The following CIMIP2A variants were observed in gnomAD, a reference collection of about 807,000 sequenced individuals.
The protein encoded by CIMIP2A is family with sequence similarity 166 member A.
the CIMIP2A span, chr9:137,243,804 C>G: frequency 1.2e-6 from 2 of 1,613,606 alleles, no homozygotes; most frequent in Non-Finnish European, 1.7e-6. Context: ...GGGAGCCAGG[C>G]TGCAGCTGAG....
chr9:137,246,589 C>T, the CIMIP2A span, among the ~76,000 whole-genome samples: 1 of 152,044 alleles, frequency 6.6e-6, no homozygotes, highest in Non-Finnish European at 1.5e-5. Context: ...TGGTGAAACC[C>T]TGTCTCTATT....
chr9:137,244,419 A>C, the CIMIP2A span: 1 of 1,549,906 alleles, frequency 6.5e-7, no homozygotes, highest in East Asian at 2.3e-5. Flanking sequence ...AGCCTTCTGC[A>C]TCCCCCTACC....
the CIMIP2A span, chr9:137,251,453 A>G: frequency 7.5e-7 from 1 of 1,326,552 alleles, no homozygotes; most frequent in Non-Finnish European, 1.1e-6. Context: ...CAGGGGGCTG[A>G]GGGACAGTGT....
the CIMIP2A span, chr9:137,244,044 A>G: frequency 9.3e-7 from 1 of 1,075,350 alleles, no homozygotes; most frequent in Non-Finnish European, 1.4e-6. Flanking sequence ...TCCTACCCCA[A>G]CCAAGGTGGG....
chr9:137,244,422 C>T, the CIMIP2A span: 3 of 1,537,134 alleles, frequency 2.0e-6, no homozygotes, highest in South Asian at 1.3e-5. Context: ...CTTCTGCATC[C>T]CCCTACCCCC....
chr9:137,254,357 T>A, the CIMIP2A span, among the ~76,000 whole-genome samples: 9 of 151,956 alleles, frequency 5.9e-5, 1 homozygote, highest in African/African-American at 2.2e-4. Context: ...GCAAGAGAGC[T>A]GTGGTAGCCA....
At chr9:137,245,261 T>C in the CIMIP2A span, 5 of 1,575,536 alleles carry the variant, frequency 3.2e-6, no homozygotes, top group Non-Finnish European at 4.3e-6. Context: ...AGCTCCCACC[T>C]GGGGCTGAGC....
the CIMIP2A span, chr9:137,245,809 G>A: frequency 4.0e-6 from 6 of 1,518,118 alleles, no homozygotes; most frequent in East Asian, 1.1e-4. Context: ...ACGCCCATAG[G>A]TGTTCCCCAC....
the CIMIP2A span, among the ~76,000 whole-genome samples, chr9:137,251,562 G>A: frequency 2.0e-5 from 3 of 151,342 alleles, no homozygotes; most frequent in Non-Finnish European, 3.0e-5. Context: ...CTGAGGGACA[G>A]TAGAGGGGAC....
chr9:137,249,396 C>A, the CIMIP2A span, among the ~76,000 whole-genome samples: 6 of 152,226 alleles, frequency 3.9e-5, no homozygotes, highest in African/African-American at 1.4e-4. Flanking sequence ...AAGAAGCTGT[C>A]TGGCATTCTG....
At chr9:137,244,238 T>C in the CIMIP2A span, 3 of 1,613,890 alleles carry the variant, frequency 1.9e-6, no homozygotes, top group African/African-American at 4.0e-5. Flanking sequence ...TGGGCCAGTG[T>C]GTTCCAGGCA....
chr9:137,251,382 A>G, the CIMIP2A span: 84 of 1,611,876 alleles, frequency 5.2e-5, no homozygotes, highest in Non-Finnish European at 9.3e-6. Flanking sequence ...GGCAGACACA[A>G]CCAGAGCCCA....
the CIMIP2A span, chr9:137,244,809 G>C: frequency 9.5e-6 from 15 of 1,582,342 alleles, 1 homozygote; most frequent in South Asian, 1.5e-4. Context: ...CCTGCCCTCA[G>C]ACGTGTCAGG....
At chr9:137,248,558 A>AAG in the CIMIP2A span, among the ~76,000 whole-genome samples, 1 of 148,080 alleles carries the variant, frequency 6.8e-6, no homozygotes, top group East Asian at 2.0e-4. Context: ...AAAAAAAAAA[A>AAG]AAAGAAAGAA....
the CIMIP2A span, among the ~76,000 whole-genome samples, chr9:137,247,354 G>C: frequency 3.3e-5 from 5 of 152,250 alleles, no homozygotes; most frequent in African/African-American, 1.2e-4. Context: ...GCACTTACTA[G>C]CCGGCCTCTG....
the CIMIP2A span, among the ~76,000 whole-genome samples, chr9:137,254,910 C>T: frequency 2.0e-5 from 3 of 152,120 alleles, no homozygotes; most frequent in Admixed American, 6.5e-5. Flanking sequence ...GGGCTTCGTG[C>T]CCGTTTCACG....
the CIMIP2A span, among the ~76,000 whole-genome samples, chr9:137,248,827 C>T: frequency 3.5e-4 from 53 of 152,252 alleles, no homozygotes; most frequent in South Asian, 4.3e-3. Context: ...GAGATCGCAC[C>T]GCTGCACTTC....
the CIMIP2A span, chr9:137,244,335 A>C: frequency 0.047 from 75,902 of 1,611,154 alleles, 2,819 homozygotes; most frequent in East Asian, 0.15. Flanking sequence ...CGGCAGGCAA[A>C]CAGATAGTCA....
chr9:137,252,546 G>C, the CIMIP2A span: 9 of 1,556,032 alleles, frequency 5.8e-6, no homozygotes, highest in African/African-American at 2.7e-5. Context: ...GGGCAGGAAG[G>C]GGGCGGGGAG....
Sources: allele counts gnomAD v4.1 joint callset (sites outside exome capture counted in the v4.1 genomes callset), GRCh38; gene constraint gnomAD v4.1.1; transcripts MANE v1.5; gene names NCBI Gene and HGNC (gene_info 2026-07-23, HGNC 2026-07-21).